Variants in ATP2B4 observed in about 807,000 individuals in gnomAD.
ATP2B4 encodes the protein plasma membrane calcium-transporting ATPase 4.
Under a neutral mutation model 110.3 loss-of-function variants are expected in ATP2B4, and 39 were observed. That is an observed-to-expected ratio of 0.35 (90% CI 0.27 to 0.46). ATP2B4 has a LOEUF of 0.46. Ranked by LOEUF, ATP2B4 falls within the 20% of genes least tolerant of loss-of-function variation. The pLI, the probability that ATP2B4 is intolerant of heterozygous loss-of-function variation, is 1.00. For missense variants in ATP2B4, 1,135 were observed against 1,530.9 expected (o/e 0.74, Z 4.32); for synonymous variants, 538 against 571.7 (o/e 0.94, Z 0.84).
At chr1:203,736,532 T>C (rs914583085) in intron 20 of ATP2B4, among the ~76,000 whole-genome samples, 1 of 151,674 alleles carries the variant, frequency 6.6e-6, no homozygotes, top group Non-Finnish European at 1.5e-5. Flanking sequence ...TGCCCACTCA[T>C]TGAGCTGCAG....
intron 1 of ATP2B4, among the ~76,000 whole-genome samples, chr1:203,633,583 G>A (rs961652479): frequency 6.6e-6 from 1 of 152,082 alleles, no homozygotes; most frequent in African/African-American, 2.4e-5. Flanking sequence ...GGCCAACATG[G>A]TGAAACCCTG....
chr1:203,628,298 C>T (rs929120023), intron 1 of ATP2B4, among the ~76,000 whole-genome samples: 1 of 151,860 alleles, frequency 6.6e-6, no homozygotes, highest in African/African-American at 2.4e-5. Context: ...TACACTCCTC[C>T]ACCTCCCTGA....
Position 203,714,208 on chromosome 1 carries a change from C to T in ATP2B4, c.2337C>T (p.Val779=), listed in dbSNP as rs532428056. Residue 779 remains valine, a synonymous_variant, in exon 15 of 21, where the codon GTC becomes GTT. Transcript: ENST00000357681. The stretch of plus-strand genomic sequence containing the variant: ...GCACTGTTGGGGAACACCGGCAGGT[C>T]GTGGCTGTCACTGGTGATGGCACAA... The part of the protein sequence containing the change: ...IDSTVGEHRQ[V]VAVTGDGTND... The T allele has an allele frequency of 2.2e-5, 36 of 1,614,146 alleles. No homozygotes were observed. Among genetic ancestry groups the T allele is most frequent in the East Asian group, 1.1e-4 (5 of 44,880 alleles).
chr1:203,630,047 C>T (rs1465001958), intron 1 of ATP2B4, among the ~76,000 whole-genome samples: 3 of 152,200 alleles, frequency 2.0e-5, no homozygotes, highest in Admixed American at 2.0e-4. Flanking sequence ...AGATTTGTCA[C>T]ACTGCTGTGG....
At chr1:203,729,839 G>A in intron 20 of ATP2B4, 1 of 1,259,688 alleles carries the variant, frequency 7.9e-7, no homozygotes, top group Non-Finnish European at 1.0e-6. Context: ...CTCTCAGAGG[G>A]CTTGGTCCCC....
At chr1:203,688,716 G>A (rs983648120) in intron 2 of ATP2B4, among the ~76,000 whole-genome samples, 3 of 152,148 alleles carry the variant, frequency 2.0e-5, no homozygotes, top group Admixed American at 6.5e-5. Context: ...GCTTGGAGAT[G>A]TTTAGCTACA....
intron 1 of ATP2B4, among the ~76,000 whole-genome samples, chr1:203,627,490 G>A (rs1663124549): frequency 6.6e-6 from 1 of 152,038 alleles, no homozygotes; most frequent in Non-Finnish European, 1.5e-5. Context: ...TAGGGTAATG[G>A]AGGGTTCTCT....
rs1339947314 is a variant in ATP2B4 at position 203,723,971 on chromosome 1, G to C, written c.3115G>C (p.Glu1039Gln). 6.2e-7 allele frequency: 1 copy of C among 1,611,044 alleles called. No homozygotes were observed. Among genetic ancestry groups the C allele is most frequent in the Admixed American group, 1.7e-5 (1 of 59,536 alleles). ...WLWCLFIGIG[E>Q]LLWGQFISAI... is the part of the protein sequence containing the mutation. ...GTGGTGTCTCTTCATTGGGATTGGA[G>C]AACTTCTGTGGGGCCAGGTGAGTAC... The change falls in exon 19 of 21, where the codon GAA becomes CAA. Residue 1039 changes from glutamate to glutamine, a missense_variant. Around this residue, in one of 9 missense-constraint regions of ATP2B4, gnomAD observed 155 missense variants for 186.2 expected, o/e 0.83. Transcript: ENST00000357681.
At chr1:203,664,331 T>C (rs1664438445) in intron 1 of ATP2B4, among the ~76,000 whole-genome samples, 1 of 152,154 alleles carries the variant, frequency 6.6e-6, no homozygotes, top group East Asian at 1.9e-4. Context: ...GATCCAGGAC[T>C]GGAAAGTATA....
chr1:203,724,040 C>A, intron 19 of ATP2B4, 52 bp downstream of exon 19: 1 of 1,486,886 alleles, frequency 6.7e-7, no homozygotes, highest in Non-Finnish European at 9.2e-7. Context: ...CAGAACTCCC[C>A]TCCTCTACAT....
intron 10 of ATP2B4, 85 bp from the exon 11 acceptor site, chr1:203,709,216 C>T (rs1665934276): frequency 3.2e-6 from 5 of 1,547,408 alleles, no homozygotes; most frequent in Admixed American, 3.5e-5. Context: ...AATGTGAAGG[C>T]TTTGTAAATG....
chr1:203,725,018 C>T (rs997442358), intron 19 of ATP2B4, among the ~76,000 whole-genome samples: 6 of 151,686 alleles, frequency 4.0e-5, no homozygotes, highest in African/African-American at 1.5e-4. Context: ...GCTGGGATTA[C>T]AGGCAACCAC....
chr1:203,733,911 T>G (rs1666806627), intron 20 of ATP2B4, among the ~76,000 whole-genome samples: 1 of 152,222 alleles, frequency 6.6e-6, no homozygotes, highest in South Asian at 2.1e-4. Flanking sequence ...ATGGGTGTGT[T>G]TTGACTAGTG....
At chr1:203,735,924 C>A (rs1003198594) in intron 20 of ATP2B4, among the ~76,000 whole-genome samples, 3 of 152,152 alleles carry the variant, frequency 2.0e-5, no homozygotes, top group Admixed American at 6.5e-5. Context: ...TCTTGTAGAG[C>A]AGCTGGTAGA....
At chr1:203,701,828 A>G (rs1665701054) in intron 6 of ATP2B4, among the ~76,000 whole-genome samples, 1 of 152,214 alleles carries the variant, frequency 6.6e-6, no homozygotes, top group Admixed American at 6.5e-5. Context: ...GCACTCACCT[A>G]CATGAGCGTT....
intron 2 of ATP2B4, among the ~76,000 whole-genome samples, chr1:203,694,635 C>T (rs921775140): frequency 7.2e-5 from 11 of 151,892 alleles, no homozygotes; most frequent in African/African-American, 2.7e-4. Flanking sequence ...TCATAAGGGT[C>T]CTGGAAGCCC....
intron 4 of ATP2B4, 80 bp downstream of exon 4, chr1:203,699,797 G>A: frequency 6.4e-7 from 1 of 1,559,222 alleles, no homozygotes; most frequent in Non-Finnish European, 8.7e-7. Flanking sequence ...AGGGGGCTGG[G>A]AATTGCTGAA....
chr1:203,709,459 C>T lies in ATP2B4; in HGVS notation c.1716C>T (p.Arg572=). The T allele has an allele frequency of 6.2e-7, 1 of 1,614,190 alleles. No individual in the cohort carries two copies. The highest frequency in any genetic ancestry group is 1.1e-5 in the South Asian group (1 of 91,082). Residue 572 remains arginine, a synonymous_variant, in exon 11 of 21, where the codon CGC becomes CGT. Transcript: ENST00000357681. ...AGGTGTACACCTTTAACTCAGTGCG[C>T]AAGTCAATGAGCACCGTCATCAGGA... The part of the protein sequence containing the change: ...LYKVYTFNSV[R]KSMSTVIRNP...
In ATP2B4 at chr1:203,739,582, G is replaced by A. The variant is rs142468420; in HGVS notation, c.3346G>A (p.Glu1116Lys). 374 of 1,613,944 alleles carry A rather than the reference G, an allele frequency of 2.3e-4. 2 individuals carry two copies. Among genetic ancestry groups the A allele is most frequent in the Middle Eastern group, 6.6e-4 (4 of 6,062 alleles). Residue 1116 changes from glutamate to lysine, a missense_variant, in exon 21 of 21, where the codon GAA becomes AAA. Glu to Lys is a moderately conservative substitution (Grantham distance 56). This residue lies in a region of ATP2B4 where 61 missense variants were observed against 123.4 expected (regional missense o/e 0.49). Coordinates refer to ENST00000357681, the MANE Select transcript of ATP2B4 (RefSeq NM_001684.5). ...CAAAGCGTTCCATAGTTCCCTCCAC[G>A]AAAGCATTCAGAAACCCTACAACCA... Reference protein sequence around the residue: ...VVKAFHSSLHESIQKPYNQKS... With the variant: ...VVKAFHSSLHKSIQKPYNQKS...
Sources: allele counts gnomAD v4.1 joint callset (sites outside exome capture counted in the v4.1 genomes callset), GRCh38; gene constraint gnomAD v4.1.1; regional missense constraint gnomAD v4.1.1; transcripts MANE v1.5; gene names NCBI Gene and HGNC (gene_info 2026-07-23, HGNC 2026-07-21).